NCKAP5: variants seen among roughly 807,000 people sequenced by gnomAD.
The protein encoded by NCKAP5 is NCK associated protein 5, also known as nck-associated protein 5.
NCKAP5 carries 92 observed loss-of-function variants against 167.0 expected under a neutral mutation model. The observed-to-expected ratio is 0.55, with a 90% CI of 0.47 to 0.66. The LOEUF (loss-of-function observed/expected upper bound fraction) is 0.66, where lower values mean the gene tolerates loss of function less well. Among genes scored for constraint, NCKAP5 ranks in the 30% least tolerant of loss-of-function variants. NCKAP5 has a pLI of 0.00. For synonymous variants in NCKAP5, 891 were observed against 877.4 expected (o/e 1.02, Z -0.27); for missense variants, 2,378 against 2,315.0 (o/e 1.03, Z -0.56).
At chr2:133,157,896 C>A (rs780378625) in intron 5 of NCKAP5, among the ~76,000 whole-genome samples, 1 of 152,108 alleles carries the variant, frequency 6.6e-6, no homozygotes, top group African/African-American at 2.4e-5. Context: ...GAAAGTGATT[C>A]TCCACTTGCC....
Position 133,213,722 on chromosome 2 carries a change from C to T in NCKAP5, c.201G>A (p.Gly67=). Residue 67 remains glycine (G), a synonymous_variant, in exon 5 of 20, where the codon GGG becomes GGA. Coordinates refer to ENST00000409261, the MANE Select transcript of NCKAP5 (RefSeq NM_207363.3). ...GACGGCAGTCAGGACTTACCATGGC[C>T]CCCTCACTTGTTCTTTGGGCAACTT... is the stretch of plus-strand genomic sequence containing the variant. ...QREVAQRTSE[G]AMHEKLIHEL... The T allele has an allele frequency of 2.5e-6, 4 of 1,613,678 alleles. No individual in the cohort carries two copies. In the Admixed American group the frequency reaches 5.0e-5, roughly 20 times the overall value.
At chr2:132,877,115 C>T (rs778425624) in intron 9 of NCKAP5, among the ~76,000 whole-genome samples, 44 of 152,160 alleles carry the variant, frequency 2.9e-4, no homozygotes, top group Non-Finnish European at 5.3e-4. Context: ...TTTGGTCTTT[C>T]TTGCCCTAAA....
rs781341111 is a variant in NCKAP5, at chr2:132,783,286, T to G, written c.3525A>C (p.Leu1175Phe). 8 of 1,613,870 alleles carry G rather than the reference T, an allele frequency of 5.0e-6. No individual in the cohort carries two copies. Among genetic ancestry groups the G allele is most frequent in the African/African-American group, 2.7e-5 (2 of 74,924 alleles). Reference protein sequence around the residue: ...TVPGKHEKDSLNEASKSSVAV... With the variant: ...TVPGKHEKDSFNEASKSSVAV... Reference sequence around the variant, plus strand: ...CCACGGAACTTTTGGAGGCTTCATTTAAACTGTCTTTTTCATGTTTCCCTG... The same window carrying G: ...CCACGGAACTTTTGGAGGCTTCATTGAAACTGTCTTTTTCATGTTTCCCTG... Residue 1175 changes from leucine to phenylalanine, a missense_variant, in exon 14 of 20, where the codon TTA becomes TTC. This residue lies in a region of NCKAP5 where 1,325 missense variants were observed against 1,274.5 expected (regional missense o/e 1.04). Coordinates refer to ENST00000409261, the MANE Select transcript of NCKAP5 (RefSeq NM_207363.3).
intron 19 of NCKAP5, among the ~76,000 whole-genome samples, chr2:132,713,716 A>C (rs373481154): frequency 5.9e-5 from 9 of 152,152 alleles, no homozygotes; most frequent in African/African-American, 1.9e-4. Context: ...GGCCAAACAA[A>C]AAAAAAAAGA....
Position 132,672,058 on chromosome 2 carries a change from A to C in NCKAP5, c.*1231T>G, listed in dbSNP as rs1683814838. The C allele has an allele frequency of 6.6e-6, 1 of 152,660 alleles. No homozygotes were observed. The highest frequency in any genetic ancestry group is 1.5e-5 in the Non-Finnish European group (1 of 68,046). 9.5% of individuals were successfully genotyped at this position (152,660 alleles called of 1,614,324 possible). On this transcript the variant is annotated 3_prime_UTR_variant, in exon 20 of 20. Transcript: ENST00000409261. Reference sequence around the variant, plus strand: ...TAATTATAAATAGTTCACATCTAGAAAAAATACACATAACCTTTAAAATAG... The same window carrying C: ...TAATTATAAATAGTTCACATCTAGACAAAATACACATAACCTTTAAAATAG...
At chr2:133,342,066 G>A (rs894239947) in intron 3 of NCKAP5, among the ~76,000 whole-genome samples, 1 of 152,124 alleles carries the variant, frequency 6.6e-6, no homozygotes, top group Non-Finnish European at 1.5e-5. Flanking sequence ...AGCCTCCAGA[G>A]TAGCTGGGAC....
rs1294400289 is a variant in NCKAP5, at chr2:133,510,686, T to C, written c.69+6772A>G. ...AGTCCTGTTGAGGTAGCTGATGCTCTTTCACATTGTGAAGCACCGTGAAGG... is the reference window on the plus strand; with the variant it reads ...AGTCCTGTTGAGGTAGCTGATGCTCCTTCACATTGTGAAGCACCGTGAAGG... On this transcript the variant is annotated intron_variant, in intron 3 of 19. Transcript: ENST00000409261. Among the ~76,000 whole-genome samples, 3 of 152,206 alleles carry C rather than the reference T, an allele frequency of 2.0e-5. No homozygotes were observed. In the East Asian group the frequency reaches 5.8e-4, roughly 29 times the overall value.
intron 3 of NCKAP5, among the ~76,000 whole-genome samples, chr2:133,303,722 A>G (rs1191151438): frequency 1.3e-5 from 2 of 151,714 alleles, no homozygotes; most frequent in African/African-American, 4.9e-5. Flanking sequence ...ATAGAAATGT[A>G]TATGTAAATT....
At chr2:133,556,881 C>T (rs1283485912) in intron 2 of NCKAP5, 3 of 152,178 alleles carry the variant, frequency 2.0e-5, no homozygotes, top group African/African-American at 4.8e-5. Flanking sequence ...CTCTCATCTT[C>T]ATTATTCATA....
In NCKAP5 at chr2:132,962,112, C is replaced by T. The variant is rs1212248363; in HGVS notation, c.579+1608G>A. Reference sequence around the variant, plus strand: ...TCTGTGTTTGAAGCTACTTGCTTACCTGTCTGCCTTCGGTCACACCTGTGT... The same window carrying T: ...TCTGTGTTTGAAGCTACTTGCTTACTTGTCTGCCTTCGGTCACACCTGTGT... On this transcript the variant is annotated intron_variant, in intron 8 of 19. Transcript: ENST00000409261. 2.6e-5 allele frequency among the ~76,000 whole-genome samples: 4 copies of T among 152,288 alleles called. 1 individual carries two copies. The South Asian group carries it at 8.3e-4, about 32-fold the overall frequency.
At chr2:133,377,814 T>A (rs1184036669) in intron 3 of NCKAP5, among the ~76,000 whole-genome samples, 1 of 152,166 alleles carries the variant, frequency 6.6e-6, no homozygotes, top group Non-Finnish European at 1.5e-5. Context: ...CTCACTTCCA[T>A]TTACTTACCA....
intron 3 of NCKAP5, among the ~76,000 whole-genome samples, chr2:133,361,890 A>C (rs1016918347): frequency 1.3e-5 from 2 of 152,236 alleles, no homozygotes; most frequent in South Asian, 4.1e-4. Flanking sequence ...TTGGTTTTAT[A>C]GTTTTGAATT....
intron 2 of NCKAP5, among the ~76,000 whole-genome samples, chr2:133,543,199 G>A (rs1183912213): frequency 1.3e-5 from 2 of 151,956 alleles, no homozygotes; most frequent in Non-Finnish European, 2.9e-5. Context: ...AAAAGACCTG[G>A]GGCCTCCTCC....
intron 16 of NCKAP5, among the ~76,000 whole-genome samples, chr2:132,734,633 A>C (rs12619898): frequency 4.6e-5 from 7 of 152,130 alleles, no homozygotes; most frequent in Admixed American, 1.3e-4. Flanking sequence ...TATTACAGCT[A>C]TTAGGAGTTC....
chr2:132,910,403 C>G (rs1256447631), intron 8 of NCKAP5, among the ~76,000 whole-genome samples: 1 of 152,102 alleles, frequency 6.6e-6, no homozygotes, highest in African/African-American at 2.4e-5. Context: ...CCCATCTCCC[C>G]CGAGCACGCC....
intron 3 of NCKAP5, among the ~76,000 whole-genome samples, chr2:133,426,424 C>T (rs1036504273): frequency 9.4e-5 from 14 of 148,430 alleles, no homozygotes; most frequent in Admixed American, 4.0e-4. Flanking sequence ...ACACATTCAG[C>T]CTTCTTAAAG....
At chr2:133,651,142 C>T in the NCKAP5 span, among the ~76,000 whole-genome samples, 4 of 152,068 alleles carry the variant, frequency 2.6e-5, no homozygotes, top group African/African-American at 9.7e-5. Flanking sequence ...ACCAAAAATA[C>T]AGGCAACAAT....
At chr2:133,392,875 C>G (rs760709902) in intron 3 of NCKAP5, among the ~76,000 whole-genome samples, 1 of 152,108 alleles carries the variant, frequency 6.6e-6, no homozygotes, top group Non-Finnish European at 1.5e-5. Context: ...ATGTGTATTA[C>G]TGAATCATAA....
intron 3 of NCKAP5, among the ~76,000 whole-genome samples, chr2:133,351,178 T>C (rs995267060): frequency 1.3e-5 from 2 of 151,866 alleles, no homozygotes; most frequent in Admixed American, 6.6e-5. Flanking sequence ...GCTTAGTTGA[T>C]GGGTTCATAA....
Sources: gnomAD v4.1 joint callset for allele counts (sites outside exome capture counted in the v4.1 genomes callset) on GRCh38, gnomAD v4.1.1 for gene constraint, gnomAD v4.1.1 regional missense constraint, MANE v1.5 for transcripts, NCBI Gene and HGNC (gene_info 2026-07-23, HGNC 2026-07-21) for gene names.